AUTS2: variants seen among roughly 807,000 people sequenced by gnomAD.
AUTS2 encodes activator of transcription and developmental regulator AUTS2, also known as autism susceptibility gene 2 protein.
Under a neutral mutation model 112.4 loss-of-function variants are expected in AUTS2, and 17 were observed. That is an observed-to-expected ratio of 0.15 (90% confidence interval 0.10 to 0.23). The LOEUF (loss-of-function observed/expected upper bound fraction) is 0.23, where lower values mean the gene tolerates loss of function less well. AUTS2 is among the 10% of genes least tolerant of loss of function. The pLI is 1.00. For missense variants in AUTS2, 1,510 were observed against 1,701.6 expected, an observed-to-expected ratio of 0.89 and a Z score of 1.98; for synonymous variants, 751 against 702.7, an observed-to-expected ratio of 1.07 and a Z score of -1.09.
chr7:70,274,202 T>G (rs892957388), intron 4 of AUTS2, among the ~76,000 whole-genome samples: 4 of 152,146 alleles, frequency 2.6e-5, no homozygotes, highest in Non-Finnish European at 5.9e-5. Context: ...CTGCCCTCTT[T>G]TCTTCTTTTA....
chr7:69,948,377 G>A (rs1796897798), intron 2 of AUTS2, among the ~76,000 whole-genome samples: 1 of 152,162 alleles, frequency 6.6e-6, no homozygotes, highest in South Asian at 2.1e-4. Flanking sequence ...TATGCCTGTG[G>A]CCTACAGATC....
chr7:70,742,507 A>G, intron 6 of AUTS2, among the ~76,000 whole-genome samples: 1 of 152,186 alleles, frequency 6.6e-6, no homozygotes, highest in Non-Finnish European at 1.5e-5. Context: ...ACACACCTGT[A>G]ATCTCAGCAC....
chr7:70,189,434 C>G (rs903376547), intron 4 of AUTS2, among the ~76,000 whole-genome samples: 1 of 152,126 alleles, frequency 6.6e-6, no homozygotes, highest in East Asian at 1.9e-4. Context: ...AAAAGTAATT[C>G]CATGACAACT....
In AUTS2 at chr7:70,631,529, G is replaced by A. The variant is rs185151556; in HGVS notation, c.691-67040G>A. ...ACGGGGTGGTCGCAACCTAGAATGT[G>A]GGCTGGAGAGCGCTGTCCCAGTGGT... On this transcript the variant is annotated intron_variant, in intron 5 of 18. Coordinates refer to ENST00000342771, the MANE Select transcript of AUTS2 (RefSeq NM_015570.4). This position sits in a 1 kb window ranked among gnomAD's most constrained non-coding sequence, Gnocchi z 4.5. Among the ~76,000 whole-genome samples, 24 of 152,146 alleles carry A rather than the reference G, an allele frequency of 1.6e-4. No individual in the cohort carries two copies. The highest frequency in any genetic ancestry group is 5.8e-4 in the African/African-American group (24 of 41,500).
At chr7:70,011,693 C>A (rs1471271870) in intron 2 of AUTS2, among the ~76,000 whole-genome samples, 2 of 152,118 alleles carry the variant, frequency 1.3e-5, no homozygotes, top group African/African-American at 2.4e-5. Context: ...CAGTTCTTAG[C>A]TTTTTTTAAA....
intron 1 of AUTS2, among the ~76,000 whole-genome samples, chr7:69,723,510 A>G (rs1189156854): frequency 6.6e-6 from 1 of 152,124 alleles, no homozygotes; most frequent in Non-Finnish European, 1.5e-5. Context: ...CATTTGTTAG[A>G]TGATGATAAT....
intron 16 of AUTS2, 66 bp from the exon 17 acceptor site, chr7:70,785,889 G>A (rs1791430081): frequency 6.6e-7 from 1 of 1,507,606 alleles, no homozygotes. Context: ...CCTGCTCCCA[G>A]GAAGCTCTGG....
intron 4 of AUTS2, among the ~76,000 whole-genome samples, chr7:70,327,894 G>C (rs543039690): frequency 1.3e-5 from 2 of 152,236 alleles, no homozygotes; most frequent in African/African-American, 4.8e-5. Flanking sequence ...AAAAATTCTT[G>C]GTACTTAGGT....
rs143189734 is a variant in AUTS2, at chr7:70,765,585, C to T, written c.1469-529C>T. On this transcript the variant is annotated intron_variant, in intron 8 of 18. Transcript: ENST00000342771. ...TTGGTCCAGTGTAGCCATGTTATGC[C>T]GCCAATACAGAGAGCCATATAGCAG... Among the ~76,000 whole-genome samples, 22 of 152,238 alleles carry T rather than the reference C, an allele frequency of 1.4e-4. No individual in the cohort carries two copies. The East Asian group carries it at 3.5e-3, about 24-fold the overall frequency.
At chr7:70,401,660 A>T (rs1206997294) in intron 4 of AUTS2, among the ~76,000 whole-genome samples, 1 of 152,186 alleles carries the variant, frequency 6.6e-6, no homozygotes, top group Non-Finnish European at 1.5e-5. Context: ...TCATATGCAG[A>T]TGAAGGGTCA....
chr7:69,824,612 AC>A (rs1791158631), intron 1 of AUTS2: 1 of 150,978 alleles, frequency 6.6e-6, no homozygotes, highest in Admixed American at 6.6e-5. Flanking sequence ...AGTTCTGAGA[AC>A]CCTCCTTGCC....
intron 4 of AUTS2, among the ~76,000 whole-genome samples, chr7:70,162,624 A>G (rs1265354346): frequency 6.6e-6 from 1 of 152,104 alleles, no homozygotes; most frequent in Non-Finnish European, 1.5e-5. Context: ...AAACCACCTA[A>G]GACTGCTACT....
At chr7:69,786,435 G>A (rs1224042964) in intron 1 of AUTS2, among the ~76,000 whole-genome samples, 1 of 152,194 alleles carries the variant, frequency 6.6e-6, no homozygotes, top group East Asian at 1.9e-4. Context: ...TGTGTAAAAT[G>A]GACCAATCAG....
chr7:69,722,783 T>C (rs1261454701), intron 1 of AUTS2, among the ~76,000 whole-genome samples: 2 of 152,180 alleles, frequency 1.3e-5, no homozygotes, highest in Non-Finnish European at 2.9e-5. Context: ...ATAAACATAC[T>C]TTCATTTGAA....
At chr7:69,602,038 A>ATGTGTGTG (rs1233014731) in intron 1 of AUTS2, among the ~76,000 whole-genome samples, 10 of 10,042 alleles carry the variant, frequency 1.0e-3, no homozygotes, top group Non-Finnish European at 1.5e-3. Context: ...ATATATATAT[A>ATGTGTGTG]TATGTGTGTG....
intron 4 of AUTS2, among the ~76,000 whole-genome samples, chr7:70,375,504 A>G (rs905347950): frequency 6.6e-5 from 10 of 152,250 alleles, no homozygotes; most frequent in Admixed American, 6.5e-5. Context: ...ATGGAATGCA[A>G]GAGAAGGTGT....
chr7:70,068,929 T>C (rs1802625416), intron 2 of AUTS2, among the ~76,000 whole-genome samples: 1 of 152,216 alleles, frequency 6.6e-6, no homozygotes, highest in South Asian at 2.1e-4. Flanking sequence ...TCCAGAAGGA[T>C]TGATGTAGTG....
chr7:70,279,894 A>T (rs572914938), intron 4 of AUTS2, among the ~76,000 whole-genome samples: 39 of 152,308 alleles, frequency 2.6e-4, no homozygotes, highest in Admixed American at 1.3e-3. Flanking sequence ...ATTTGTCTAC[A>T]GTAAGAGTTA....
chr7:69,879,136 G>A (rs1793929239), intron 1 of AUTS2, among the ~76,000 whole-genome samples: 1 of 151,216 alleles, frequency 6.6e-6, no homozygotes, highest in South Asian at 2.1e-4. Context: ...GTGTGTGTGT[G>A]TGTGTGTGTG....
Sources: gnomAD v4.1 joint callset for allele counts (sites outside exome capture counted in the v4.1 genomes callset) on GRCh38, gnomAD v4.1.1 for gene constraint, Gnocchi (gnomAD v3.1) non-coding constraint, MANE v1.5 for transcripts, NCBI Gene and HGNC (gene_info 2026-07-23, HGNC 2026-07-21) for gene names.